The following KANSL1L variants were observed in gnomAD, a reference collection of about 807,000 sequenced individuals.
The protein encoded by KANSL1L is KAT8 regulatory NSL complex subunit 1 like.
A neutral mutation model predicts 108.6 loss-of-function variants in KANSL1L; 25 were observed. The ratio of observed to expected loss-of-function variants is 0.23; its 90% confidence interval spans 0.17 to 0.32. The LOEUF is 0.32. Among genes scored for constraint, KANSL1L ranks in the 10% least tolerant of loss-of-function variants. The pLI is 1.00. For synonymous variants in KANSL1L, 405 were observed against 395.1 expected (o/e 1.03, Z -0.30); for missense variants, 1,137 against 1,125.7 (o/e 1.01, Z -0.14).
At chr2:210,129,670 TA>T (rs1393126066) in intron 2 of KANSL1L, among the ~76,000 whole-genome samples, 1 of 152,190 alleles carries the variant, frequency 6.6e-6, no homozygotes. Flanking sequence ...GCTAATTATT[TA>T]AATCATTTTT....
intron 2 of KANSL1L, among the ~76,000 whole-genome samples, chr2:210,148,495 G>C (rs945409572): frequency 6.6e-6 from 1 of 152,040 alleles, no homozygotes; most frequent in African/African-American, 2.4e-5. Flanking sequence ...GAACATTGGA[G>C]GCAAAAATCC....
At chr2:210,073,064 G>A (rs2094518279) in intron 6 of KANSL1L, among the ~76,000 whole-genome samples, 1 of 151,618 alleles carries the variant, frequency 6.6e-6, no homozygotes, top group Admixed American at 6.6e-5. Flanking sequence ...TATTTATTTT[G>A]ATGCCAAATA....
chr2:210,029,769 G>A, intron 10 of KANSL1L, 34 bp downstream of exon 10: 1 of 1,047,582 alleles, frequency 9.5e-7, no homozygotes, highest in Non-Finnish European at 1.4e-6. Flanking sequence ...TATTTTTAAA[G>A]CTATTTTAGA....
chr2:210,038,953 T>C (rs1475498202), intron 8 of KANSL1L, among the ~76,000 whole-genome samples: 1 of 151,930 alleles, frequency 6.6e-6, no homozygotes, highest in Non-Finnish European at 1.5e-5. Flanking sequence ...CATAAGAATT[T>C]GTTGTTGTTG....
At chr2:210,055,729 G>A (rs2094342912) in intron 6 of KANSL1L, among the ~76,000 whole-genome samples, 1 of 152,216 alleles carries the variant, frequency 6.6e-6, no homozygotes, top group Non-Finnish European at 1.5e-5. Flanking sequence ...CAAGAGATCT[G>A]TGGAACTTTG....
chr2:210,137,790 G>A (rs891571004), intron 2 of KANSL1L, among the ~76,000 whole-genome samples: 5 of 152,092 alleles, frequency 3.3e-5, no homozygotes, highest in Admixed American at 1.3e-4. Flanking sequence ...CAGCACTTTG[G>A]TAGGCCGAGG....
intron 6 of KANSL1L, among the ~76,000 whole-genome samples, chr2:210,063,444 T>C (rs1206431999): frequency 1.3e-5 from 2 of 152,164 alleles, no homozygotes; most frequent in African/African-American, 4.8e-5. Context: ...GAATGGTAGA[T>C]CTGCAGACAG....
chr2:210,135,896 T>A (rs1473884756), intron 2 of KANSL1L, among the ~76,000 whole-genome samples: 1 of 152,166 alleles, frequency 6.6e-6, no homozygotes. Flanking sequence ...CTTACTGACA[T>A]ACAAGTTAAT....
chr2:210,048,489 AACTT>A lies in KANSL1L; in HGVS notation c.1756-4389_1756-4386del, dbSNP rs377286875. ...GATGTATTTTCCTTAAAAAAAATTA[AACTT>A]ACTTATTTTTACATTTTGTATGGAT... is the stretch of plus-strand genomic sequence containing the variant. On this transcript the variant is annotated intron_variant, in intron 6 of 14. Transcript: ENST00000281772. Among the ~76,000 whole-genome samples the A allele has an allele frequency of 1.7e-4, 26 of 152,192 alleles. No homozygotes were observed. The South Asian group carries it at 2.5e-3, about 15-fold the overall frequency.
At chr2:210,058,770 C>T (rs138902514) in intron 6 of KANSL1L, among the ~76,000 whole-genome samples, 1,593 of 148,250 alleles carry the variant, frequency 0.011, 23 homozygotes, top group African/African-American at 0.035. Flanking sequence ...CCGGGAGGCG[C>T]AATTTGCAGT....
At chr2:210,106,718 G>A (rs183032431) in intron 3 of KANSL1L, among the ~76,000 whole-genome samples, 21 of 146,848 alleles carry the variant, frequency 1.4e-4, no homozygotes, top group African/African-American at 4.2e-4. Flanking sequence ...GCAGTGAGCC[G>A]AGATCGCACC....
intron 2 of KANSL1L, among the ~76,000 whole-genome samples, chr2:210,136,448 A>G (rs1398049190): frequency 6.6e-6 from 1 of 152,214 alleles, no homozygotes; most frequent in Non-Finnish European, 1.5e-5. Context: ...AACATTGACA[A>G]ATAAGGACAT....
intron 6 of KANSL1L, among the ~76,000 whole-genome samples, chr2:210,069,239 A>G (rs2094489400): frequency 1.3e-5 from 2 of 152,210 alleles, no homozygotes. Context: ...AGTTTCTAAT[A>G]ACGTGTCCCC....
At chr2:210,121,596 G>C (rs1364204944) in intron 3 of KANSL1L, among the ~76,000 whole-genome samples, 2 of 151,994 alleles carry the variant, frequency 1.3e-5, no homozygotes, top group African/African-American at 4.8e-5. Flanking sequence ...AAACCCCTAA[G>C]ACACAAGTTT....
intron 1 of KANSL1L, among the ~76,000 whole-genome samples, chr2:210,158,054 G>C (rs1303373179): frequency 6.6e-6 from 1 of 152,206 alleles, no homozygotes; most frequent in Non-Finnish European, 1.5e-5. Flanking sequence ...GAGATCTCTA[G>C]GGCTTACCGG....
In KANSL1L at chr2:210,144,055, CT is replaced by C. The variant is rs1431750519; in HGVS notation, c.1088+9439del. 1.9e-4 allele frequency among the ~76,000 whole-genome samples: 29 copies of C among 152,190 alleles called. No individual in the cohort carries two copies. The East Asian group carries it at 5.4e-3, about 28-fold the overall frequency. ...TCAGATTTTGTATGTCTGGAAAAGT[CT>C]TCTCTCTCCCTTTCTGAAGGACAGT... On this transcript the variant is annotated intron_variant, in intron 2 of 14. Coordinates refer to ENST00000281772, the MANE Select transcript of KANSL1L (RefSeq NM_152519.4).
At chr2:210,097,851 G>T (rs996803362) in intron 5 of KANSL1L, 16 of 247,692 alleles carry the variant, frequency 6.5e-5, no homozygotes, top group African/African-American at 3.7e-4. Context: ...CTTTTTTTAA[G>T]AAACATTATG....
Position 210,022,851 on chromosome 2 carries a change from A to T in KANSL1L, c.*98T>A, listed in dbSNP as rs982091404. On this transcript the variant is annotated 3_prime_UTR_variant, in exon 15 of 15. Transcript: ENST00000281772. ...CAGCATAAAAGATTAATACATGCAG[A>T]ACATGCTCTTATTCTGGAGGGGATG... The T allele has an allele frequency of 1.2e-6, 1 of 800,372 alleles. No individual in the cohort carries two copies. The highest frequency in any genetic ancestry group is 2.4e-5 in the Admixed American group (1 of 41,478). 49.6% of individuals were successfully genotyped at this position (800,372 alleles called of 1,614,324 possible). A position where few individuals can be genotyped will look rare whatever the true frequency, so the allele number is the denominator to read the frequency against.
rs181512256 is a variant in KANSL1L at position 210,061,700 on chromosome 2, G to C, written c.1755+13852C>G. On this transcript the variant is annotated intron_variant, in intron 6 of 14. Coordinates refer to ENST00000281772, the MANE Select transcript of KANSL1L (RefSeq NM_152519.4). ...TCCAAGCATAAACTAAAGTGTACCA[G>C]TAATGAATAAAGTGGCTTAGACAGC... 1.4e-4 allele frequency among the ~76,000 whole-genome samples: 21 copies of C among 152,278 alleles called. No homozygotes were observed. The East Asian group carries it at 3.1e-3, about 22-fold the overall frequency.
Sources: gnomAD v4.1 joint callset for allele counts (sites outside exome capture counted in the v4.1 genomes callset) on GRCh38, gnomAD v4.1.1 for gene constraint, MANE v1.5 for transcripts, NCBI Gene and HGNC (gene_info 2026-07-23, HGNC 2026-07-21) for gene names.